Variants in POLE2 observed in about 807,000 individuals in gnomAD.
POLE2 encodes the protein DNA polymerase epsilon 2, accessory subunit.
In POLE2, 56 loss-of-function variants were observed where a neutral mutation model predicts 79.4. That is an observed-to-expected ratio of 0.71 (90% CI 0.57 to 0.88). The LOEUF is 0.88. Among genes scored for constraint, POLE2 ranks in the 40% least tolerant of loss-of-function variants. The probability of loss-of-function intolerance (pLI) is 0.00; values close to 1 mark genes in which losing one functional copy is unlikely to be tolerated. For missense variants in POLE2, 598 were observed against 638.9 expected (o/e 0.94, Z 0.69); for synonymous variants, 212 against 214.0 (o/e 0.99, Z 0.08).
chr14:49,674,415 G>C lies in POLE2; in HGVS notation c.258C>G (p.Phe86Leu), dbSNP rs1200242407. ...GAATATCAAATGCTCCTATGATATT[G>C]AAAACGTGCTCTCTGAAAAACATCC... ...QSVDETIEHVFNIIGAFDIPR... is the reference protein window; with the variant it reads ...QSVDETIEHVLNIIGAFDIPR... The change falls in exon 4 of 19, where the codon TTC becomes TTG. Residue 86 changes from phenylalanine (F) to leucine (L), a missense_variant. Transcript: ENST00000216367. The C allele has an allele frequency of 1.2e-6, 2 of 1,606,540 alleles. No individual in the cohort carries two copies. The highest frequency in any genetic ancestry group is 2.7e-5 in the African/African-American group (2 of 74,688).
intron 10 of POLE2, among the ~76,000 whole-genome samples, chr14:49,662,586 C>T (rs1003714092): frequency 2.0e-5 from 3 of 152,194 alleles, no homozygotes; most frequent in Non-Finnish European, 4.4e-5. Flanking sequence ...CATGCCCTGC[C>T]CAAAGTGGGC....
intron 8 of POLE2, 55 bp downstream of exon 8, chr14:49,665,052 A>G: frequency 2.4e-6 from 2 of 816,430 alleles, no homozygotes; most frequent in Non-Finnish European, 4.2e-6. Context: ...TATATAATCA[A>G]TTTCCCCAAT....
chr14:49,666,577 A>G (rs1211312953), intron 6 of POLE2, among the ~76,000 whole-genome samples, 164 bp from the exon 7 acceptor site: 1 of 152,178 alleles, frequency 6.6e-6, no homozygotes, highest in Non-Finnish European at 1.5e-5. Flanking sequence ...TAAACTTAGG[A>G]TGTTTAATTT....
intron 18 of POLE2, among the ~76,000 whole-genome samples, chr14:49,645,043 C>CAAAA (rs527251561): frequency 5.7e-4 from 50 of 88,334 alleles, no homozygotes; most frequent in African/African-American, 1.6e-3. Flanking sequence ...CTCCGTCTCA[C>CAAAA]AAAAAAAAAA....
chr14:49,679,613 A>T (rs990805486), intron 3 of POLE2, 112 bp downstream of exon 3: 1 of 590,986 alleles, frequency 1.7e-6, no homozygotes, highest in African/African-American at 1.9e-5. Context: ...CAGAAATAAC[A>T]ACAGTAATCA....
intron 18 of POLE2, among the ~76,000 whole-genome samples, chr14:49,645,765 G>A (rs1254482238): frequency 6.6e-6 from 1 of 152,152 alleles, no homozygotes; most frequent in Non-Finnish European, 1.5e-5. Context: ...CCAGTACCTG[G>A]GACTACAGGT....
intron 10 of POLE2, among the ~76,000 whole-genome samples, chr14:49,657,399 T>C (rs1884769368): frequency 6.6e-6 from 1 of 152,000 alleles, no homozygotes; most frequent in Non-Finnish European, 1.5e-5. Flanking sequence ...TCTCCAGATA[T>C]ACACATACAT....
intron 18 of POLE2, among the ~76,000 whole-genome samples, chr14:49,644,699 C>A (rs1350627729): frequency 2.0e-5 from 3 of 151,838 alleles, no homozygotes; most frequent in African/African-American, 7.3e-5. Flanking sequence ...TGAATAAGTA[C>A]AAATATTTAG....
intron 3 of POLE2, 82 bp from the exon 4 acceptor site, chr14:49,674,509 T>C: frequency 1.3e-6 from 1 of 798,298 alleles, no homozygotes; most frequent in Non-Finnish European, 2.1e-6. Flanking sequence ...GCATTATAAG[T>C]ATTTGTAATA....
At chr14:49,654,731 G>A in intron 13 of POLE2, 53 bp downstream of exon 13, 1 of 1,286,886 alleles carries the variant, frequency 7.8e-7, no homozygotes, top group Non-Finnish European at 1.0e-6. Flanking sequence ...TTCATTTTTT[G>A]TTTTTTTTTT....
intron 17 of POLE2, among the ~76,000 whole-genome samples, chr14:49,649,317 T>A (rs1431245414): frequency 1.3e-5 from 2 of 151,142 alleles, no homozygotes; most frequent in African/African-American, 2.4e-5. Flanking sequence ...CAGCTAATTT[T>A]TTGTGTTTTT....
chr14:49,644,921 G>C (rs938428660), intron 18 of POLE2, among the ~76,000 whole-genome samples: 2 of 151,248 alleles, frequency 1.3e-5, no homozygotes, highest in African/African-American at 2.4e-5. Flanking sequence ...ATGTGCCTGT[G>C]ATCCCAGCTA....
At chr14:49,658,729 T>G (rs1046939207) in intron 10 of POLE2, among the ~76,000 whole-genome samples, 2 of 152,270 alleles carry the variant, frequency 1.3e-5, no homozygotes, top group Non-Finnish European at 2.9e-5. Flanking sequence ...TTACTGTGTC[T>G]GTAGAGACAC....
At chr14:49,687,465 T>A (rs1887236404) in intron 1 of POLE2, among the ~76,000 whole-genome samples, 1 of 152,018 alleles carries the variant, frequency 6.6e-6, no homozygotes, top group Admixed American at 6.6e-5. Context: ...AATTGGCAAC[T>A]GCAGACGTGC....
chr14:49,655,688 A>G lies in POLE2; in HGVS notation c.911T>C (p.Leu304Pro). 6.2e-7 allele frequency: 1 copy of G among 1,607,980 alleles called. No homozygotes were observed. The highest frequency in any genetic ancestry group is 1.1e-5 in the South Asian group (1 of 89,480). ...AGACCTACCAGCAAACATTATGCGAAGTTTTTCCAATACTTCCACCTGGTC... is the reference window on the plus strand; with the variant it reads ...AGACCTACCAGCAAACATTATGCGAGGTTTTTCCAATACTTCCACCTGGTC... ...WLDQVEVLEK[L>P]RIMFAGYSPA... is the part of the protein sequence containing the mutation. Residue 304 changes from leucine (L) to proline (P), a missense_variant, in exon 11 of 19, where the codon CTT becomes CCT. Physicochemically the swap from Leu to Pro is moderately conservative, Grantham distance 98. Transcript: ENST00000216367.
chr14:49,685,937 C>T (rs1321669523), intron 1 of POLE2, among the ~76,000 whole-genome samples: 1 of 152,116 alleles, frequency 6.6e-6, no homozygotes, highest in African/African-American at 2.4e-5. Flanking sequence ...AAGTCCTGCT[C>T]ATTCTTTAAG....
chr14:49,669,160 ATT>A (rs1270165833), intron 6 of POLE2, among the ~76,000 whole-genome samples: 2 of 152,214 alleles, frequency 1.3e-5, no homozygotes, highest in Non-Finnish European at 2.9e-5. Context: ...AGGAACCAGC[ATT>A]TGAGTTCCTT....
intron 5 of POLE2, among the ~76,000 whole-genome samples, chr14:49,671,439 A>G (rs914534852): frequency 6.6e-6 from 1 of 151,872 alleles, no homozygotes; most frequent in Non-Finnish European, 1.5e-5. Flanking sequence ...TAACACAGTG[A>G]AACCCATCTC....
At chr14:49,644,211 C>T (rs1381890213) in intron 18 of POLE2, among the ~76,000 whole-genome samples, 1 of 149,094 alleles carries the variant, frequency 6.7e-6, no homozygotes, top group Non-Finnish European at 1.5e-5. Flanking sequence ...TAAAGGTAGA[C>T]TAATTTTTAA....
Sources: gnomAD v4.1 joint callset for allele counts (sites outside exome capture counted in the v4.1 genomes callset) on GRCh38, gnomAD v4.1.1 for gene constraint, MANE v1.5 for transcripts, NCBI Gene and HGNC (gene_info 2026-07-23, HGNC 2026-07-21) for gene names.